Variants in PCDHGA2 observed in about 807,000 individuals in gnomAD.
The protein encoded by PCDHGA2 is protocadherin gamma subfamily A, 2.
PCDHGA2 carries 40 observed loss-of-function variants against 59.2 expected under a neutral mutation model. The ratio of observed to expected loss-of-function variants is 0.68; its 90% confidence interval spans 0.52 to 0.88. The LOEUF is 0.88. Ranked by LOEUF, PCDHGA2 falls within the 40% of genes least tolerant of loss-of-function variation. The pLI is 0.00. For missense variants in PCDHGA2, 1,226 were observed against 1,204.0 expected (o/e 1.02, Z -0.27); for synonymous variants, 560 against 526.0 (o/e 1.06, Z -0.89).
rs2097401329 is a variant in PCDHGA2 at position 141,431,623 on chromosome 5, G to A, written c.2425-63184G>A. 1 of 1,614,192 alleles carries A rather than the reference G, an allele frequency of 6.2e-7. No homozygotes were observed. The highest frequency in any genetic ancestry group is 1.7e-5 in the Admixed American group (1 of 60,028). On this transcript the variant is annotated intron_variant, in intron 1 of 3. Coordinates refer to ENST00000394576, the MANE Select transcript of PCDHGA2 (RefSeq NM_018915.4). This position sits in a 1 kb window ranked among gnomAD's most constrained non-coding sequence, Gnocchi z 4.8. ...CCTTCCGGTATGTGGACGACAAGGC[G>A]GCCCAAGTTTTCAAACTAGATTGTA...
At chr5:141,365,563 C>A (rs754759386) in intron 1 of PCDHGA2, 51 of 1,613,580 alleles carry the variant, frequency 3.2e-5, no homozygotes, top group Non-Finnish European at 3.8e-5. Flanking sequence ...GGGACCTGGA[C>A]AGAGAAGAGA....
chr5:141,393,428 G>A (rs1043256482), intron 1 of PCDHGA2: 2 of 1,614,042 alleles, frequency 1.2e-6, no homozygotes, highest in Admixed American at 1.7e-5. Flanking sequence ...GGGAGGAAGA[G>A]GCTGCTCACC....
intron 1 of PCDHGA2, chr5:141,402,950 G>A (rs992704558): frequency 2.5e-6 from 4 of 1,596,662 alleles, no homozygotes; most frequent in Non-Finnish European, 3.4e-6. Flanking sequence ...AAGCGAGGCA[G>A]CAATGGCAGC....
intron 1 of PCDHGA2, among the ~76,000 whole-genome samples, chr5:141,435,445 C>T (rs190910353): frequency 3.9e-5 from 6 of 152,224 alleles, no homozygotes; most frequent in Middle Eastern, 3.4e-3. Flanking sequence ...TTCATTAATA[C>T]GATATCTGTA....
chr5:141,441,737 C>CG, intron 1 of PCDHGA2: 1 of 365,242 alleles, frequency 2.7e-6, no homozygotes, highest in South Asian at 2.2e-5. Flanking sequence ...AGGACTAGCT[C>CG]GCGCTCGGCG....
Position 141,485,606 on chromosome 5 carries a change from G to T in PCDHGA2, c.2425-9201G>T, listed in dbSNP as rs2099616630. On this transcript the variant is annotated intron_variant, in intron 1 of 3. Transcript: ENST00000394576. The surrounding 1 kb of genome is among the most constrained non-coding windows in gnomAD (Gnocchi z 5.7). ...GCAGCTGGACTTGGAAATTGGGGAG[G>T]CAGCTCCTCCAGGACAGCGTTTCCC... is the stretch of plus-strand genomic sequence containing the variant. 1.2e-6 allele frequency: 2 copies of T among 1,612,362 alleles called. No homozygotes were observed. The highest frequency in any genetic ancestry group is 4.5e-5 in the East Asian group (2 of 44,840).
At chr5:141,384,391 G>C (rs759810331) in intron 1 of PCDHGA2, 24 of 1,613,920 alleles carry the variant, frequency 1.5e-5, no homozygotes, top group Non-Finnish European at 2.0e-5. Flanking sequence ...CACCATCCAG[G>C]GGGCTCCAGT....
intron 1 of PCDHGA2, chr5:141,346,433 G>T: frequency 6.2e-7 from 1 of 1,614,260 alleles, no homozygotes; most frequent in Non-Finnish European, 8.5e-7. Context: ...TACTTGAAAT[G>T]AAAGGAGATT....
At chr5:141,409,227 A>G (rs2095244126) in intron 1 of PCDHGA2, 1 of 1,613,922 alleles carries the variant, frequency 6.2e-7, no homozygotes, top group African/African-American at 1.3e-5. Flanking sequence ...GATGAAAACG[A>G]CAACAGCCCA....
intron 1 of PCDHGA2, chr5:141,428,358 G>C: frequency 1.8e-6 from 1 of 565,492 alleles, no homozygotes; most frequent in South Asian, 1.9e-5. Context: ...TGATTTTGGC[G>C]GTCGCCTTGC....
intron 1 of PCDHGA2, chr5:141,357,466 G>T: frequency 6.2e-7 from 1 of 1,614,180 alleles, no homozygotes; most frequent in South Asian, 1.1e-5. Flanking sequence ...CTATTCCCAC[G>T]AGGTCTCCCT....
chr5:141,344,840 T>G, intron 1 of PCDHGA2: 1 of 1,613,940 alleles, frequency 6.2e-7, no homozygotes, highest in South Asian at 1.1e-5. Flanking sequence ...CCACTGACCC[T>G]GACGAGGGAT....
chr5:141,438,591 C>CATATATATATAT (rs946798767), intron 1 of PCDHGA2, among the ~76,000 whole-genome samples: 3 of 75,560 alleles, frequency 4.0e-5, no homozygotes, highest in Non-Finnish European at 5.4e-5. Flanking sequence ...TACATACATA[C>CATATATATATAT]ATATATATAT....
chr5:141,356,389 A>C (rs1291017239), intron 1 of PCDHGA2: 1 of 1,574,322 alleles, frequency 6.4e-7, no homozygotes. Flanking sequence ...ACTTGAAAAG[A>C]CCTATGGAAA....
rs1243232069 is a variant in PCDHGA2 at position 141,490,842 on chromosome 5, G to A, written c.2425-3965G>A. Reference sequence around the variant, plus strand: ...TGCTGCAGATGCTGCAGATTGTGGTGGGGGTTCGAGACTCCGGCTCTCCCC... The same window carrying A: ...TGCTGCAGATGCTGCAGATTGTGGTAGGGGTTCGAGACTCCGGCTCTCCCC... On this transcript the variant is annotated intron_variant, in intron 1 of 3. Transcript: ENST00000394576. The surrounding 1 kb of genome is among the most constrained non-coding windows in gnomAD (Gnocchi z 5.4). 4.3e-6 allele frequency: 7 copies of A among 1,613,844 alleles called. No homozygotes were observed. In the South Asian group the frequency reaches 6.6e-5, roughly 15 times the overall value.
rs772255343 is a variant in PCDHGA2, at chr5:141,432,272, G to C, written c.2425-62535G>C. On this transcript the variant is annotated intron_variant, in intron 1 of 3. Coordinates refer to ENST00000394576, the MANE Select transcript of PCDHGA2 (RefSeq NM_018915.4). This position sits in a 1 kb window ranked among gnomAD's most constrained non-coding sequence, Gnocchi z 6.0. ...CCAAGGGGCAAGCCTATCGTCCTAC[G>C]TGTCCATCAACTCCGACACTGGGGT... The C allele has an allele frequency of 3.1e-6, 5 of 1,614,210 alleles. No individual in the cohort carries two copies. Among genetic ancestry groups the C allele is most frequent in the Non-Finnish European group, 4.2e-6 (5 of 1,180,042 alleles).
intron 1 of PCDHGA2, chr5:141,365,612 G>A (rs769437434): frequency 6.2e-7 from 1 of 1,613,592 alleles, no homozygotes; most frequent in Admixed American, 1.7e-5. Context: ...CATGGACCAT[G>A]GAACCCCGCC....
intron 1 of PCDHGA2, chr5:141,478,600 C>T (rs762531135): frequency 6.4e-7 from 1 of 1,565,134 alleles, no homozygotes. Context: ...ATTCCTACAT[C>T]ATATTGAGGA....
At chr5:141,428,091 T>C (rs769710543) in intron 1 of PCDHGA2, 2 of 1,609,000 alleles carry the variant, frequency 1.2e-6, no homozygotes, top group East Asian at 2.2e-5. Flanking sequence ...CGCTTGGCTG[T>C]CCTACCACGT....
Sources: allele counts gnomAD v4.1 joint callset (sites outside exome capture counted in the v4.1 genomes callset), GRCh38; gene constraint gnomAD v4.1.1; non-coding constraint Gnocchi (gnomAD v3.1); transcripts MANE v1.5; gene names NCBI Gene and HGNC (gene_info 2026-07-23, HGNC 2026-07-21).